Variants in SYCP1 observed in about 807,000 individuals in gnomAD.
The protein encoded by SYCP1 is synaptonemal complex protein 1.
A neutral mutation model predicts 153.1 loss-of-function variants in SYCP1; 64 were observed. That is an observed-to-expected ratio of 0.42 (90% confidence interval 0.34 to 0.51). The LOEUF (loss-of-function observed/expected upper bound fraction) is 0.51, where lower values mean the gene tolerates loss of function less well. SYCP1 is among the 20% of genes least tolerant of loss of function. The pLI is 0.06. For synonymous variants in SYCP1, 384 were observed against 341.8 expected, an observed-to-expected ratio of 1.12 and a Z score of -1.36; for missense variants, 997 against 1,049.0, an observed-to-expected ratio of 0.95 and a Z score of 0.68.
intron 16 of SYCP1, among the ~76,000 whole-genome samples, chr1:114,902,576 C>G (rs778904198): frequency 1.2e-4 from 18 of 150,574 alleles, no homozygotes; most frequent in Middle Eastern, 6.8e-3. Context: ...ACCCCGCAAA[C>G]GGCAGGAGCT....
At chr1:114,905,022 G>C (rs897581893) in intron 16 of SYCP1, among the ~76,000 whole-genome samples, 7 of 152,092 alleles carry the variant, frequency 4.6e-5, no homozygotes, top group Non-Finnish European at 1.0e-4. Flanking sequence ...TGCATTTCCA[G>C]GATAAACCCC....
At chr1:114,990,790 A>T (rs1288914624) in intron 30 of SYCP1, among the ~76,000 whole-genome samples, 1 of 151,996 alleles carries the variant, frequency 6.6e-6, no homozygotes, top group East Asian at 1.9e-4. Flanking sequence ...TGTAACAAGT[A>T]AAGAGTTTAA....
upstream of SYCP1, among the ~76,000 whole-genome samples, chr1:114,854,156 CTCTT>C (rs1663780720): frequency 6.6e-6 from 1 of 151,676 alleles, no homozygotes; most frequent in South Asian, 2.1e-4. Context: ...CTCTCTCTCT[CTCTT>C]TGAGACAGAA....
intron 8 of SYCP1, among the ~76,000 whole-genome samples, chr1:114,863,867 C>T (rs1570652973): frequency 6.6e-6 from 1 of 150,470 alleles, no homozygotes; most frequent in East Asian, 2.0e-4. Context: ...CAAACTAATA[C>T]AGGAACAGAA....
At chr1:114,859,570 A>AT in intron 6 of SYCP1, 173 bp from the exon 7 acceptor site, 1 of 251,784 alleles carries the variant, frequency 4.0e-6, no homozygotes. Flanking sequence ...GATGAAGGCC[A>AT]TATTCTTAAG....
At chr1:114,924,225 TA>T (rs1210890384) in intron 21 of SYCP1, among the ~76,000 whole-genome samples, 2 of 152,104 alleles carry the variant, frequency 1.3e-5, no homozygotes, top group East Asian at 3.9e-4. Flanking sequence ...GGAAAGCTAT[TA>T]AAAGTCATCT....
intron 23 of SYCP1, among the ~76,000 whole-genome samples, chr1:114,939,962 T>C (rs1446495015): frequency 6.6e-6 from 1 of 152,206 alleles, no homozygotes; most frequent in Non-Finnish European, 1.5e-5. Flanking sequence ...CTACATTTTC[T>C]ACAGTTTCAG....
At chr1:114,930,140 G>A (rs1352006201) in intron 23 of SYCP1, among the ~76,000 whole-genome samples, 1 of 151,850 alleles carries the variant, frequency 6.6e-6, no homozygotes, top group Admixed American at 6.6e-5. Context: ...TATTTTAAAC[G>A]GAATGATGAG....
chr1:114,860,738 A>G lies in SYCP1; in HGVS notation c.527A>G (p.Asn176Ser). The G allele has an allele frequency of 6.3e-7, 1 of 1,593,424 alleles. No homozygotes were observed. Among genetic ancestry groups the G allele is most frequent in the Non-Finnish European group, 8.5e-7 (1 of 1,172,538 alleles). The change falls in exon 8 of 32, where the codon AAT (asparagine) becomes AGT (serine). Residue 176 changes from asparagine to serine, a missense_variant and splice_region_variant. Asn to Ser is a conservative substitution (Grantham distance 46). This residue lies in a region of SYCP1 where 285 missense variants were observed against 366.1 expected (regional missense o/e 0.78). Coordinates refer to ENST00000369522, the MANE Select transcript of SYCP1 (RefSeq NM_003176.4). ...IQENKDLIKE[N>S]NATRHLCNLL... ...GCAAACTCTTTCCTTTGTTTCAGGA[A>G]TAATGCCACAAGGCATTTATGTAAT...
chr1:114,913,056 C>T lies in SYCP1; in HGVS notation c.1553C>T (p.Ser518Leu), dbSNP rs1372683882. ...AGGCTTAAGAATACTGAATTAACTT[C>T]ACACTGCAACAAGCTTTCACTAGAA... ...NEKLKNTELT[S>L]HCNKLSLENK... Residue 518 changes from serine (S) to leucine (L), a missense_variant, in exon 19 of 32, where the codon TCA (serine) becomes TTA (leucine). By Grantham distance (145) the Ser-to-Leu change is moderately radical. This residue lies in a region of SYCP1 where 712 missense variants were observed against 682.9 expected (regional missense o/e 1.04). Coordinates refer to ENST00000369522, the MANE Select transcript of SYCP1 (RefSeq NM_003176.4). The T allele has an allele frequency of 1.2e-6, 2 of 1,610,786 alleles. No individual in the cohort carries two copies. Among genetic ancestry groups the T allele is most frequent in the South Asian group, 2.2e-5 (2 of 90,632 alleles).
At chr1:114,954,547 T>TTTATTTATTTA (rs1671313381) in intron 27 of SYCP1, among the ~76,000 whole-genome samples, 53 of 148,396 alleles carry the variant, frequency 3.6e-4, no homozygotes, top group Non-Finnish European at 7.3e-4. Context: ...TCAGTATGCT[T>TTTATTTATTTA]TTTATTTATT....
In SYCP1 at chr1:114,992,796, A is replaced by G. The variant is rs1674015367; in HGVS notation, c.2704-1902A>G. ...AAAAGATAAATTGGACTGCATCAAA[A>G]TTAAGAACTGTTGTGAATTAAAGGA... On this transcript the variant is annotated intron_variant, in intron 30 of 31. Coordinates refer to ENST00000369522, the MANE Select transcript of SYCP1 (RefSeq NM_003176.4). Among the ~76,000 whole-genome samples the G allele has an allele frequency of 1.3e-5, 2 of 151,774 alleles. 1 individual carries two copies. The highest frequency in any genetic ancestry group is 6.8e-3 in the Middle Eastern group (2 of 294).
chr1:114,914,892 A>C (rs1428578503), intron 20 of SYCP1, among the ~76,000 whole-genome samples: 1 of 152,106 alleles, frequency 6.6e-6, no homozygotes, highest in African/African-American at 2.4e-5. Context: ...ACTAAAGTTG[A>C]GCAGTAACCC....
rs142862697 is a variant in SYCP1, at chr1:114,941,831, A to T, written c.1927-2508A>T. On this transcript the variant is annotated intron_variant, in intron 23 of 31. Coordinates refer to ENST00000369522, the MANE Select transcript of SYCP1 (RefSeq NM_003176.4). ...AGTACTTAACACATACTTTTTCATG[A>T]ACAAAATTATTAAAATATTGTATTA... 1.0e-3 allele frequency among the ~76,000 whole-genome samples: 157 copies of T among 152,266 alleles called. 2 individuals carry two copies. Among genetic ancestry groups the T allele is most frequent in the African/African-American group, 3.7e-3 (152 of 41,562 alleles).
At chr1:114,954,122 G>A (rs1671279703) in intron 27 of SYCP1, among the ~76,000 whole-genome samples, 1 of 152,118 alleles carries the variant, frequency 6.6e-6, no homozygotes, top group Admixed American at 6.5e-5. Flanking sequence ...GGTGCAATCT[G>A]ACATGTTGAT....
At chr1:114,864,782 T>G (rs1664623780) in intron 8 of SYCP1, among the ~76,000 whole-genome samples, 1 of 152,186 alleles carries the variant, frequency 6.6e-6, no homozygotes, top group African/African-American at 2.4e-5. Context: ...GCCACTGCCC[T>G]GGCCCACATA....
chr1:114,970,886 C>T (rs971454791), intron 27 of SYCP1, among the ~76,000 whole-genome samples: 2 of 152,286 alleles, frequency 1.3e-5, no homozygotes, highest in Non-Finnish European at 2.9e-5. Flanking sequence ...TTCTCAAATG[C>T]TGGTTATGCT....
rs1186935161 is a variant in SYCP1, at chr1:114,855,495, G to C, written c.31G>C (p.Val11Leu). 1 of 1,605,078 alleles carries C rather than the reference G, an allele frequency of 6.2e-7. No individual in the cohort carries two copies. The highest frequency in any genetic ancestry group is 1.7e-5 in the Admixed American group (1 of 59,184). The change falls in exon 2 of 32, where the codon GTA becomes CTA. Residue 11 changes from valine to leucine, a missense_variant. Physicochemically the swap from Val to Leu is conservative, Grantham distance 32. Around this residue, in one of 2 missense-constraint regions of SYCP1, gnomAD observed 285 missense variants for 366.1 expected, o/e 0.78. Coordinates refer to ENST00000369522, the MANE Select transcript of SYCP1 (RefSeq NM_003176.4). ...AAAGCAAAAGCCCTTTGCATTGTTCGTACCACCGAGATCAAGCAGCAGTCA... is the reference window on the plus strand; with the variant it reads ...AAAGCAAAAGCCCTTTGCATTGTTCCTACCACCGAGATCAAGCAGCAGTCA... MEKQKPFALF[V>L]PPRSSSSQVS... is the part of the protein sequence containing the mutation.
At chr1:114,890,033 G>A (rs1401764543) in intron 15 of SYCP1, among the ~76,000 whole-genome samples, 1 of 152,000 alleles carries the variant, frequency 6.6e-6, no homozygotes, top group Non-Finnish European at 1.5e-5. Flanking sequence ...AAATGCAATT[G>A]TATTATATGA....
Sources: gnomAD v4.1 joint callset for allele counts (sites outside exome capture counted in the v4.1 genomes callset) on GRCh38, gnomAD v4.1.1 for gene constraint, gnomAD v4.1.1 regional missense constraint, MANE v1.5 for transcripts, NCBI Gene and HGNC (gene_info 2026-07-23, HGNC 2026-07-21) for gene names.